Variants in TRAPPC6B observed in about 807,000 individuals in gnomAD.
TRAPPC6B encodes the protein trafficking protein particle complex subunit 6B.
Under a neutral mutation model 24.7 loss-of-function variants are expected in TRAPPC6B, and 27 were observed. The ratio of observed to expected loss-of-function variants is 1.09; its 90% CI spans 0.81 to 1.51. TRAPPC6B has a LOEUF of 1.51. Among genes scored for constraint, TRAPPC6B ranks in the 40% most tolerant of loss-of-function variants. TRAPPC6B has a pLI of 0.00. For synonymous variants in TRAPPC6B, 80 were observed against 66.6 expected, an observed-to-expected ratio of 1.20 and a Z score of -0.98; for missense variants, 212 against 190.8, an observed-to-expected ratio of 1.11 and a Z score of -0.66.
At chr14:39,165,287 C>T (rs964437664) in intron 1 of TRAPPC6B, among the ~76,000 whole-genome samples, 73 of 152,070 alleles carry the variant, frequency 4.8e-4, no homozygotes, top group African/African-American at 6.0e-4. Flanking sequence ...CCTTGTGATC[C>T]GCCCGCCTCG....
chr14:39,159,483 CT>C lies in TRAPPC6B; in HGVS notation c.148del (p.Arg50GlyfsTer13). On this transcript the variant is annotated frameshift_variant and splice_region_variant, in exon 2 of 6. Transcript: ENST00000330149. LOFTEE classifies it high-confidence loss of function. ...AAATTTTCAAATCCAACCTGCTCAC[CT>C]TTCTATCAATCCTTGTCCCACTCGA... is the stretch of plus-strand genomic sequence containing the variant. ...GFRVGQGLIERFTKDTARFKD... is the reference protein window; with the variant it reads ...GFRVGQGLIEXFTKDTARFKD... 6.3e-7 allele frequency: 1 copy of C among 1,586,800 alleles called. No individual in the cohort carries two copies. Among genetic ancestry groups the C allele is most frequent in the Non-Finnish European group, 8.6e-7 (1 of 1,165,760 alleles).
intron 3 of TRAPPC6B, chr14:39,157,537 T>C: frequency 2.4e-6 from 1 of 410,460 alleles, no homozygotes; most frequent in South Asian, 1.8e-5. Flanking sequence ...GACTGCACAC[T>C]ATGTGGATCC....
In TRAPPC6B at chr14:39,170,259, G is replaced by A; in HGVS notation, c.-164C>T. The A allele has an allele frequency of 1.6e-6, 1 of 638,362 alleles. No individual in the cohort carries two copies. The allele number at this position is 638,362 out of a possible 1,614,324, so 39.5% of individuals were successfully genotyped here. A position where few individuals can be genotyped will look rare whatever the true frequency, so the allele number is the denominator to read the frequency against. ...GTATTCACACGACTTCCCAAAGGCT[G>A]GTACTGAAATGAGTCTGGTACTGGA... On this transcript the variant is annotated 5_prime_UTR_variant, in exon 1 of 6. Transcript: ENST00000330149.
intron 1 of TRAPPC6B, among the ~76,000 whole-genome samples, chr14:39,167,338 T>C (rs2053118908): frequency 1.3e-5 from 2 of 152,200 alleles, no homozygotes; most frequent in Non-Finnish European, 2.9e-5. Flanking sequence ...CCTCAAGTCT[T>C]ATGGAAGTTT....
At chr14:39,156,521 G>A (rs2052980954) in intron 3 of TRAPPC6B, among the ~76,000 whole-genome samples, 1 of 152,018 alleles carries the variant, frequency 6.6e-6, no homozygotes, top group African/African-American at 2.4e-5. Context: ...TTGAGTCCAG[G>A]AGCTCAAGAC....
chr14:39,151,389 CAAAAAAAA>C (rs11288695), intron 5 of TRAPPC6B, among the ~76,000 whole-genome samples: 2 of 78,734 alleles, frequency 2.5e-5, no homozygotes, highest in Non-Finnish European at 4.8e-5. Flanking sequence ...GACTCCGTCT[CAAAAAAAA>C]AAAAAAAAAA....
intron 1 of TRAPPC6B, among the ~76,000 whole-genome samples, chr14:39,168,577 T>C (rs889522538): frequency 6.6e-6 from 1 of 152,168 alleles, no homozygotes; most frequent in Non-Finnish European, 1.5e-5. Flanking sequence ...AAGTTCAACC[T>C]GCCCCGAAAT....
Position 39,151,238 on chromosome 14 carries a change from A to G in TRAPPC6B, c.445+508T>C, listed in dbSNP as rs559150893. On this transcript the variant is annotated intron_variant, in intron 5 of 5. Coordinates refer to ENST00000330149, the MANE Select transcript of TRAPPC6B (RefSeq NM_001079537.2). Reference sequence around the variant, plus strand: ...AACCCATCTCTACTAAAAATACAAAAAATTAGCTGGGCGTGGTGGCAGGCA... The same window carrying G: ...AACCCATCTCTACTAAAAATACAAAGAATTAGCTGGGCGTGGTGGCAGGCA... 2.0e-5 allele frequency among the ~76,000 whole-genome samples: 3 copies of G among 152,048 alleles called. No homozygotes were observed. In the East Asian group the frequency reaches 5.8e-4, roughly 30 times the overall value.
chr14:39,156,369 CATTTA>C (rs1375322947), intron 3 of TRAPPC6B, among the ~76,000 whole-genome samples: 1 of 152,132 alleles, frequency 6.6e-6, no homozygotes, highest in Non-Finnish European at 1.5e-5. Context: ...GTACCAGATA[CATTTA>C]ATTTTTTACT....
chr14:39,153,484 G>C (rs562756640), intron 4 of TRAPPC6B, among the ~76,000 whole-genome samples: 1 of 151,638 alleles, frequency 6.6e-6, no homozygotes, highest in Non-Finnish European at 1.5e-5. Context: ...TTAAAAATTA[G>C]CCAGGCATGG....
intron 5 of TRAPPC6B, among the ~76,000 whole-genome samples, chr14:39,151,197 C>A (rs1312132415): frequency 6.6e-6 from 1 of 151,880 alleles, no homozygotes; most frequent in African/African-American, 2.4e-5. Context: ...GGAGACCATC[C>A]TGGCTAACAC....
At chr14:39,168,974 C>T (rs575034444) in intron 1 of TRAPPC6B, among the ~76,000 whole-genome samples, 1 of 152,308 alleles carries the variant, frequency 6.6e-6, no homozygotes, top group South Asian at 2.1e-4. Flanking sequence ...AGCTTTCTAA[C>T]TTCACCTCTC....
intron 1 of TRAPPC6B, among the ~76,000 whole-genome samples, chr14:39,167,150 G>A (rs557258933): frequency 3.5e-4 from 53 of 152,222 alleles, no homozygotes; most frequent in East Asian, 7.7e-4. Flanking sequence ...TTTTGAGTAG[G>A]CACCAAATTT....
intron 2 of TRAPPC6B, 70 bp from the exon 3 acceptor site, chr14:39,158,472 TAATTTCC>T (rs145633332): frequency 0.059 from 52,447 of 883,876 alleles, 1,815 homozygotes; most frequent in Non-Finnish European, 0.071. Flanking sequence ...AATTATTAAC[TAATTTCC>T]AAATGCCAGA....
At chr14:39,165,038 C>G (rs964227070) in intron 1 of TRAPPC6B, among the ~76,000 whole-genome samples, 4 of 150,738 alleles carry the variant, frequency 2.7e-5, no homozygotes, top group Non-Finnish European at 5.9e-5. Flanking sequence ...ATTCCCTAGA[C>G]TTCACATTCT....
intron 3 of TRAPPC6B, chr14:39,157,324 C>T (rs769278078): frequency 8.3e-6 from 3 of 363,116 alleles, no homozygotes; most frequent in East Asian, 7.2e-5. Context: ...GGCCCTGCAC[C>T]GCCAAATAGC....
Position 39,150,346 on chromosome 14 carries a change from T to C in TRAPPC6B, c.*4A>G, listed in dbSNP as rs2052897534. On this transcript the variant is annotated 3_prime_UTR_variant, in exon 6 of 6. Transcript: ENST00000330149. ...ACTGTTGAAGCCTTGCATTTCAGTA[T>C]GTTCTACAGCTTCTGTATCATCACC... 3.2e-6 allele frequency: 5 copies of C among 1,584,458 alleles called. No homozygotes were observed. The highest frequency in any genetic ancestry group is 4.3e-6 in the Non-Finnish European group (5 of 1,172,158).
chr14:39,151,948 A>C, intron 4 of TRAPPC6B, 109 bp from the exon 5 acceptor site: 1 of 763,388 alleles, frequency 1.3e-6, no homozygotes, highest in Non-Finnish European at 2.1e-6. Flanking sequence ...TCCTGTTTAA[A>C]AAAAGGATTT....
chr14:39,160,070 C>T (rs1165959578), intron 1 of TRAPPC6B, among the ~76,000 whole-genome samples: 2 of 152,112 alleles, frequency 1.3e-5, no homozygotes, highest in African/African-American at 2.4e-5. Flanking sequence ...TCAAGCAATC[C>T]ACCTGCCTTG....
Sources: gnomAD v4.1 joint callset for allele counts (sites outside exome capture counted in the v4.1 genomes callset) on GRCh38, gnomAD v4.1.1 for gene constraint, MANE v1.5 for transcripts, NCBI Gene and HGNC (gene_info 2026-07-23, HGNC 2026-07-21) for gene names.